Variants in PDE4D observed in about 807,000 individuals in gnomAD.
PDE4D encodes the protein phosphodiesterase 4D, also known as 3',5'-cyclic-AMP phosphodiesterase 4D.
Under a neutral mutation model 87.4 loss-of-function variants are expected in PDE4D, and 24 were observed. The observed-to-expected ratio is 0.27, with a 90% CI of 0.20 to 0.39. The LOEUF (loss-of-function observed/expected upper bound fraction) is 0.39. PDE4D is among the 10% of genes least tolerant of loss of function. The pLI, the probability that PDE4D is intolerant of heterozygous loss-of-function variation, is 1.00. For synonymous variants in PDE4D, 384 were observed against 383.2 expected (o/e 1.00, Z -0.02); for missense variants, 714 against 1,041.0 (o/e 0.69, Z 4.32).
At chr5:59,430,240 G>T in intron 1 of PDE4D, 1 of 1,228,674 alleles carries the variant, frequency 8.1e-7, no homozygotes, top group South Asian at 4.2e-5. Context: ...GTTACCAAAG[G>T]GCAACAAAAC....
chr5:59,807,565 C>T (rs1294812360), intron 1 of PDE4D, among the ~76,000 whole-genome samples: 2 of 152,176 alleles, frequency 1.3e-5, no homozygotes, highest in African/African-American at 2.4e-5. Flanking sequence ...AAGAGCAGAG[C>T]GGGTGGCCCT....
intron 1 of PDE4D, among the ~76,000 whole-genome samples, chr5:60,208,476 A>G (rs1742807635): frequency 6.6e-6 from 1 of 152,188 alleles, no homozygotes; most frequent in Non-Finnish European, 1.5e-5. Context: ...AGTTTTGGCT[A>G]CAGCAAATCT....
intron 1 of PDE4D, among the ~76,000 whole-genome samples, chr5:60,321,538 T>C (rs1327273433): frequency 6.6e-6 from 1 of 152,058 alleles, no homozygotes; most frequent in African/African-American, 2.4e-5. Context: ...AATAAAACAT[T>C]GACAAATGGT....
At position 58,993,361 on chromosome 5, in the gene PDE4D, G is replaced by A; in HGVS notation, c.1015+11C>T. The A allele has an allele frequency of 3.4e-6, 5 of 1,477,170 alleles. No homozygotes were observed. The highest frequency in any genetic ancestry group is 4.6e-6 in the Non-Finnish European group (5 of 1,090,956). 91.5% of individuals were successfully genotyped at this position (1,477,170 alleles called of 1,614,324 possible). ...GAAGAAAAAAATTTAATTGCATGTT[G>A]TTATTCTCACCTAAGAATGTGTTTG... On this transcript the variant is annotated intron_variant, in intron 7 of 14. Transcript: ENST00000340635.
intron 2 of PDE4D, among the ~76,000 whole-genome samples, chr5:59,206,152 G>C (rs1380045606): frequency 2.7e-5 from 4 of 149,854 alleles, no homozygotes; most frequent in Non-Finnish European, 5.9e-5. Flanking sequence ...AAGCCTAGGA[G>C]ATGCTGCAGT....
intron 1 of PDE4D, among the ~76,000 whole-genome samples, chr5:59,349,961 C>A (rs1359486427): frequency 6.6e-6 from 1 of 152,092 alleles, no homozygotes; most frequent in African/African-American, 2.4e-5. Context: ...TGTTTCTAGT[C>A]TACATTGATA....
intron 1 of PDE4D, among the ~76,000 whole-genome samples, chr5:59,755,853 ATG>A (rs1491210447): frequency 6.6e-6 from 1 of 151,226 alleles, no homozygotes; most frequent in Non-Finnish European, 1.5e-5. Context: ...TTAGCCATGT[ATG>A]AAAAAAAAAA....
At chr5:58,981,365 A>AAAGTT (rs1284318070) in intron 11 of PDE4D, among the ~76,000 whole-genome samples, 3 of 151,962 alleles carry the variant, frequency 2.0e-5, no homozygotes, top group East Asian at 3.8e-4. Flanking sequence ...AAGTGAAAGT[A>AAAGTT]AAGTTTTTGA....
At chr5:59,886,127 A>G (rs1306827312) in intron 1 of PDE4D, among the ~76,000 whole-genome samples, 2 of 152,242 alleles carry the variant, frequency 1.3e-5, no homozygotes, top group African/African-American at 4.8e-5. Flanking sequence ...TTAAAAATCT[A>G]TATAAAACCA....
At chr5:60,344,992 T>C (rs947449067) in intron 1 of PDE4D, among the ~76,000 whole-genome samples, 1 of 151,800 alleles carries the variant, frequency 6.6e-6, no homozygotes, top group Admixed American at 6.6e-5. Context: ...ATTAATACTT[T>C]GACTTTTTTT....
chr5:59,838,924 C>A (rs1742558112), intron 1 of PDE4D, among the ~76,000 whole-genome samples: 1 of 151,890 alleles, frequency 6.6e-6, no homozygotes, highest in South Asian at 2.1e-4. Flanking sequence ...TTATTGACAT[C>A]CTGTTTTATT....
chr5:59,905,514 G>A (rs1485977878), intron 3 of PDE4D, among the ~76,000 whole-genome samples: 2 of 152,014 alleles, frequency 1.3e-5, no homozygotes, highest in Non-Finnish European at 2.9e-5. Context: ...AAGAGAATGG[G>A]CATTACAGCC....
intron 1 of PDE4D, among the ~76,000 whole-genome samples, chr5:60,483,223 T>C (rs890247396): frequency 2.6e-5 from 4 of 152,154 alleles, no homozygotes; most frequent in African/African-American, 9.7e-5. Context: ...AATGCAGTGA[T>C]ATAATCATGA....
At chr5:59,442,101 T>C (rs994505630) in intron 1 of PDE4D, among the ~76,000 whole-genome samples, 1 of 152,210 alleles carries the variant, frequency 6.6e-6, no homozygotes, top group African/African-American at 2.4e-5. Flanking sequence ...TGGCTAGTTT[T>C]GTGTAAAGTG....
chr5:59,230,963 A>G (rs1438195447), intron 1 of PDE4D, among the ~76,000 whole-genome samples: 18 of 152,338 alleles, frequency 1.2e-4, no homozygotes, highest in Admixed American at 1.2e-3. Flanking sequence ...TGCCTCTTCA[A>G]TTCTTTTAAA....
At chr5:59,526,301 A>C (rs1325010691) in intron 1 of PDE4D, among the ~76,000 whole-genome samples, 1 of 152,204 alleles carries the variant, frequency 6.6e-6, no homozygotes, top group Non-Finnish European at 1.5e-5. Flanking sequence ...TCAAATGCCT[A>C]TGGTTCTCTG....
chr5:59,958,082 C>T (rs1453980374), intron 3 of PDE4D, among the ~76,000 whole-genome samples: 1 of 152,082 alleles, frequency 6.6e-6, no homozygotes, highest in Non-Finnish European at 1.5e-5. Flanking sequence ...GTAATAGGCT[C>T]TGATCTATCT....
intron 1 of PDE4D, among the ~76,000 whole-genome samples, chr5:59,620,270 T>C (rs895303510): frequency 2.0e-5 from 3 of 152,306 alleles, no homozygotes; most frequent in Middle Eastern, 3.4e-3. Context: ...TGGTTGTGTT[T>C]TTCTCTGGAA....
chr5:59,935,349 G>C lies in PDE4D; in HGVS notation c.272+53139C>G, dbSNP rs566810225. 7.9e-5 allele frequency among the ~76,000 whole-genome samples: 12 copies of C among 152,164 alleles called. 1 individual carries two copies. The highest frequency in any genetic ancestry group is 2.6e-4 in the African/African-American group (11 of 41,522). On this transcript the variant is annotated intron_variant, in intron 3 of 16. Transcript: ENST00000502484. ...CAGTAAAAGTCAGAAAACAAGGAGA[G>C]CTTTTTAGGAAGGTTGAGGTGATTT...
Sources: allele counts gnomAD v4.1 joint callset (sites outside exome capture counted in the v4.1 genomes callset), GRCh38; gene constraint gnomAD v4.1.1; transcripts MANE v1.5; gene names NCBI Gene and HGNC (gene_info 2026-07-23, HGNC 2026-07-21).